Variants in MYBL2 observed in about 807,000 individuals in gnomAD.
The protein encoded by MYBL2 is MYB proto-oncogene like 2.
A neutral mutation model predicts 79.9 loss-of-function variants in MYBL2; 28 were observed. The observed-to-expected ratio is 0.35, with a 90% CI of 0.26 to 0.48. The LOEUF (loss-of-function observed/expected upper bound fraction) is 0.48, where lower values mean the gene tolerates loss of function less well. Ranked by LOEUF, MYBL2 falls within the 20% of genes least tolerant of loss-of-function variation. The pLI, the probability that MYBL2 is intolerant of heterozygous loss-of-function variation, is 0.99. For missense variants in MYBL2, 735 were observed against 893.9 expected (o/e 0.82, Z 2.27); for synonymous variants, 378 against 361.2 (o/e 1.05, Z -0.53).
intron 6 of MYBL2, among the ~76,000 whole-genome samples, chr20:43,698,346 C>T (rs1273516919): frequency 7.4e-5 from 10 of 134,864 alleles, no homozygotes; most frequent in Non-Finnish European, 4.7e-5. Flanking sequence ...CACCACGCCC[C>T]GCATATTTTT....
At chr20:43,674,172 T>G (rs911143120) in intron 2 of MYBL2, among the ~76,000 whole-genome samples, 29 of 151,004 alleles carry the variant, frequency 1.9e-4, no homozygotes, top group African/African-American at 6.8e-4. Context: ...TCATGGACAT[T>G]GATTGTGCTT....
intron 9 of MYBL2, among the ~76,000 whole-genome samples, chr20:43,709,660 C>T (rs959701224): frequency 9.9e-5 from 15 of 152,220 alleles, no homozygotes; most frequent in African/African-American, 3.6e-4. Flanking sequence ...TGCCCCCTCT[C>T]ACTGTTCCTG....
In MYBL2 at chr20:43,711,476, G is replaced by A; in HGVS notation, c.1606-12G>A. ...TGGTGCCTCACGTGGGCTGCCCCGT[G>A]CCTACCCACAGCCACAGACCCCGCA... is the stretch of plus-strand genomic sequence containing the variant. On this transcript the variant is annotated splice_polypyrimidine_tract_variant and intron_variant, in intron 10 of 13. Transcript: ENST00000217026. 1 of 1,607,880 alleles carries A rather than the reference G, an allele frequency of 6.2e-7. No individual in the cohort carries two copies. Among genetic ancestry groups the A allele is most frequent in the Non-Finnish European group, 8.5e-7 (1 of 1,176,662 alleles).
At chr20:43,675,644 A>G (rs1986988471) in intron 2 of MYBL2, among the ~76,000 whole-genome samples, 1 of 151,956 alleles carries the variant, frequency 6.6e-6, no homozygotes, top group South Asian at 2.1e-4. Context: ...TGCATATACC[A>G]ATGTAAGCAC....
At chr20:43,682,731 GGCCCCCA>G in intron 3 of MYBL2, 56 bp from the exon 4 acceptor site, 1 of 1,521,758 alleles carries the variant, frequency 6.6e-7, no homozygotes, top group Non-Finnish European at 9.1e-7. Context: ...TACTTAACCA[GGCCCCCA>G]GCCCGAGGTC....
chr20:43,669,434 C>T (rs1432220668), intron 1 of MYBL2, among the ~76,000 whole-genome samples: 1 of 152,226 alleles, frequency 6.6e-6, no homozygotes, highest in African/African-American at 2.4e-5. Context: ...GGCAGCTCCA[C>T]AGCCCTCAGC....
At position 43,702,571 on chromosome 20, in the gene MYBL2, G is replaced by GT. The variant is rs1405255421; in HGVS notation, c.1034dup (p.Gln346AlafsTer52). The GT allele has an allele frequency of 6.2e-7, 1 of 1,614,212 alleles. No homozygotes were observed. ...AGAGGACAGTATCAACAACAGCCTA[G>GT]TGCAGCTGCAAGCGTCACATCAGCA... On this transcript the variant is annotated frameshift_variant, in exon 8 of 14. Coordinates refer to ENST00000217026, the MANE Select transcript of MYBL2 (RefSeq NM_002466.4). LOFTEE classifies it high-confidence loss of function.
chr20:43,693,042 GT>G (rs942565211), intron 6 of MYBL2, among the ~76,000 whole-genome samples: 4 of 151,658 alleles, frequency 2.6e-5, no homozygotes, highest in Admixed American at 6.6e-5. Flanking sequence ...TTTGCAGGCT[GT>G]TTTTTTTGAG....
chr20:43,681,713 C>G, intron 2 of MYBL2, 71 bp from the exon 3 acceptor site: 2 of 1,490,130 alleles, frequency 1.3e-6, no homozygotes, highest in African/African-American at 1.4e-5. Flanking sequence ...TTAGATTGGG[C>G]TCTGTCACGG....
intron 10 of MYBL2, among the ~76,000 whole-genome samples, chr20:43,710,789 G>A (rs993448244): frequency 2.2e-4 from 33 of 152,160 alleles, no homozygotes; most frequent in African/African-American, 7.2e-4. Flanking sequence ...GACTTTCCAC[G>A]GACCATGCTA....
chr20:43,713,391 C>CTT (rs1264826252), intron 12 of MYBL2, among the ~76,000 whole-genome samples: 16 of 141,704 alleles, frequency 1.1e-4, no homozygotes, highest in African/African-American at 4.2e-4. Flanking sequence ...CTTTTTTTTT[C>CTT]TTTTTTTTTT....
intron 9 of MYBL2, among the ~76,000 whole-genome samples, chr20:43,707,044 G>GC (rs1347808086): frequency 4.0e-5 from 6 of 151,628 alleles, no homozygotes. Context: ...GCTGGGCGTG[G>GC]CCGTGTGTGC....
chr20:43,700,032 C>G lies in MYBL2; in HGVS notation c.939C>G (p.Asp313Glu). The G allele has an allele frequency of 6.2e-7, 1 of 1,613,624 alleles. No individual in the cohort carries two copies. Among genetic ancestry groups the G allele is most frequent in the East Asian group, 2.2e-5 (1 of 44,900 alleles). The change falls in exon 7 of 14, where the codon GAC (aspartate) becomes GAG (glutamate). Residue 313 changes from aspartate to glutamate, a missense_variant. Asp to Glu is a conservative substitution (Grantham distance 45). This residue lies in a region of MYBL2 where 243 missense variants were observed against 327.2 expected (regional missense o/e 0.74). Transcript: ENST00000217026. ...AVGSSLSEAL[D>E]LIESDPDAWC... ...GTTCTAGCCTCTCTGAAGCCCTGGA[C>G]TTGATCGAGTCGGTATGTTGGTCAC...
At chr20:43,682,700 G>C in intron 3 of MYBL2, 94 bp from the exon 4 acceptor site, 1 of 1,163,586 alleles carries the variant, frequency 8.6e-7, no homozygotes, top group Non-Finnish European at 1.3e-6. Context: ...CTAGTCCCAG[G>C]CCATAGGCCC....
Position 43,716,400 on chromosome 20 carries a change from G to GA in MYBL2, c.*313_*314insA, listed in dbSNP as rs1185476561. 2.5e-6 allele frequency: 1 copy of GA among 395,064 alleles called. No individual in the cohort carries two copies. Among genetic ancestry groups the GA allele is most frequent in the Non-Finnish European group, 4.5e-6 (1 of 220,604 alleles). The allele number at this position is 395,064 out of a possible 1,614,324, so 24.5% of individuals were successfully genotyped here. ...CTGGCCTCATCTCAGACCCTGCTTA[G>GA]GATGGGGGATGTGGCCAGGGGTGCT... On this transcript the variant is annotated 3_prime_UTR_variant, in exon 14 of 14. Coordinates refer to ENST00000217026, the MANE Select transcript of MYBL2 (RefSeq NM_002466.4).
intron 4 of MYBL2, among the ~76,000 whole-genome samples, chr20:43,683,834 G>A (rs189742346): frequency 2.6e-5 from 4 of 152,072 alleles, no homozygotes; most frequent in Middle Eastern, 3.4e-3. Context: ...AATTACAGAC[G>A]TGAGCCACCG....
At position 43,699,774 on chromosome 20, in the gene MYBL2, C is replaced by T. The variant is rs2145726909; in HGVS notation, c.681C>T (p.Asn227=). The change falls in exon 7 of 14, where the codon AAC becomes AAT. Residue 227 remains asparagine (N), a synonymous_variant. Coordinates refer to ENST00000217026, the MANE Select transcript of MYBL2 (RefSeq NM_002466.4). ...PTEGQGSLLT[N]WPSVPPTIKE... ...TCTTACAGGGAAGTCTTCTGACCAACTGGCCCTCCGTCCCTCCTACCATAA... is the reference window on the plus strand; with the variant it reads ...TCTTACAGGGAAGTCTTCTGACCAATTGGCCCTCCGTCCCTCCTACCATAA... 6.2e-7 allele frequency: 1 copy of T among 1,614,136 alleles called. No individual in the cohort carries two copies. The highest frequency in any genetic ancestry group is 1.7e-4 in the Middle Eastern group (1 of 6,038).
intron 1 of MYBL2, among the ~76,000 whole-genome samples, chr20:43,671,881 GTTTTT>G (rs979613123): frequency 6.9e-6 from 1 of 144,572 alleles, no homozygotes; most frequent in Admixed American, 6.9e-5. Flanking sequence ...AGCTCGTACT[GTTTTT>G]TTTTTTTCCC....
intron 8 of MYBL2, among the ~76,000 whole-genome samples, chr20:43,703,549 C>T (rs1444809364): frequency 6.6e-6 from 1 of 152,062 alleles, no homozygotes; most frequent in Non-Finnish European, 1.5e-5. Flanking sequence ...GCTGGGTCTC[C>T]TTGAGCACCT....
Sources: gnomAD v4.1 joint callset for allele counts (sites outside exome capture counted in the v4.1 genomes callset) on GRCh38, gnomAD v4.1.1 for gene constraint, gnomAD v4.1.1 regional missense constraint, MANE v1.5 for transcripts, NCBI Gene and HGNC (gene_info 2026-07-23, HGNC 2026-07-21) for gene names.